The following ZFPM1 variants were observed in gnomAD, a reference collection of about 807,000 sequenced individuals.
ZFPM1 encodes zinc finger protein, FOG family member 1.
In ZFPM1, 28 loss-of-function variants were observed where a neutral mutation model predicts 46.3. That is an observed-to-expected ratio of 0.60 (90% CI 0.45 to 0.83). The LOEUF (loss-of-function observed/expected upper bound fraction) is 0.83. ZFPM1 is among the 40% of genes least tolerant of loss of function. The probability of loss-of-function intolerance (pLI) is 0.00; values close to 1 mark genes in which losing one functional copy is unlikely to be tolerated. For missense variants in ZFPM1, 1,878 were observed against 1,432.4 expected (o/e 1.31, Z -5.02); for synonymous variants, 957 against 675.9 (o/e 1.42, Z -6.45).
chr16:88,526,450 A>AACACAGAT (rs11280585), intron 4 of ZFPM1, among the ~76,000 whole-genome samples: 59,833 of 151,318 alleles, frequency 0.4, 12,520 homozygotes, highest in East Asian at 0.67. Context: ...CAGTGGGGAG[A>AACACAGAT]ACACAGATAC....
At chr16:88,475,773 G>C (rs1908654948) in intron 1 of ZFPM1, among the ~76,000 whole-genome samples, 2 of 152,298 alleles carry the variant, frequency 1.3e-5, no homozygotes, top group East Asian at 1.9e-4. Flanking sequence ...GCTTAGGGAG[G>C]GGCTGGGCTC....
At chr16:88,456,450 G>A (rs1373211252) in intron 1 of ZFPM1, among the ~76,000 whole-genome samples, 1 of 152,200 alleles carries the variant, frequency 6.6e-6, no homozygotes, top group Non-Finnish European at 1.5e-5. Flanking sequence ...GGGGAGGCCA[G>A]TGTACCCTGG....
intron 1 of ZFPM1, among the ~76,000 whole-genome samples, chr16:88,484,600 G>A (rs535867750): frequency 2.6e-5 from 4 of 152,324 alleles, no homozygotes; most frequent in African/African-American, 7.2e-5. Context: ...CCCCCATCGT[G>A]CTTCACACAG....
chr16:88,518,184 G>A (rs753832460), intron 4 of ZFPM1, among the ~76,000 whole-genome samples: 4 of 151,290 alleles, frequency 2.6e-5, no homozygotes, highest in South Asian at 2.1e-4. Context: ...CAGCCTAGGC[G>A]ACAGAGCGAG....
At chr16:88,522,082 G>A (rs961640189) in intron 4 of ZFPM1, 1 of 152,444 alleles carries the variant, frequency 6.6e-6, no homozygotes, top group African/African-American at 2.4e-5. Context: ...TGTTCACTGT[G>A]TTCCCCACAC....
At position 88,466,794 on chromosome 16, in the gene ZFPM1, C is replaced by G. The variant is rs1908153881; in HGVS notation, c.40+13116C>G. Among the ~76,000 whole-genome samples the G allele has an allele frequency of 3.3e-5, 5 of 152,234 alleles. 1 individual carries two copies. The South Asian group carries it at 8.3e-4, about 25-fold the overall frequency. On this transcript the variant is annotated intron_variant, in intron 1 of 9. Transcript: ENST00000319555. Reference sequence around the variant, plus strand: ...TGGGGGAGGGGGGTAAATGTCAGCTCCAGTGACCAGCGTTTAAATCCTGCC... The same window carrying G: ...TGGGGGAGGGGGGTAAATGTCAGCTGCAGTGACCAGCGTTTAAATCCTGCC...
chr16:88,476,296 A>G (rs1469136482), intron 1 of ZFPM1, among the ~76,000 whole-genome samples: 2 of 152,086 alleles, frequency 1.3e-5, no homozygotes, highest in Admixed American at 1.3e-4. Context: ...CAAGCCAGCC[A>G]CACCCCACCA....
chr16:88,513,889 C>T (rs1410800656), intron 3 of ZFPM1, among the ~76,000 whole-genome samples: 1 of 152,230 alleles, frequency 6.6e-6, no homozygotes, highest in Non-Finnish European at 1.5e-5. Flanking sequence ...TTCTGTGTCT[C>T]TTAGAAAGAT....
At position 88,534,064 on chromosome 16, in the gene ZFPM1, G is replaced by A. The variant is rs1325116893; in HGVS notation, c.2106G>A (p.Lys702=). 1 of 1,303,552 alleles carries A rather than the reference G, an allele frequency of 7.7e-7. No homozygotes were observed. The allele number at this position is 1,303,552 out of a possible 1,614,324, so 80.7% of individuals were successfully genotyped here. A position where few individuals can be genotyped will look rare whatever the true frequency, so the allele number is the denominator to read the frequency against. ...FSRHETYTVH[K]RYYCASRHDP... The stretch of plus-strand genomic sequence containing the variant: ...GCCACGAGACCTACACCGTGCACAA[G>A]CGGTACTACTGCGCCTCGCGCCACG... The change falls in exon 10 of 10, where the codon AAG becomes AAA. Residue 702 remains lysine, a synonymous_variant. Coordinates refer to ENST00000319555, the MANE Select transcript of ZFPM1 (RefSeq NM_153813.3).
chr16:88,474,231 C>T (rs1315585176), intron 1 of ZFPM1, among the ~76,000 whole-genome samples: 2 of 152,340 alleles, frequency 1.3e-5, no homozygotes, highest in East Asian at 3.9e-4. Context: ...CCCGCCCGGG[C>T]CACTGCCCCT....
At position 88,453,559 on chromosome 16, in the gene ZFPM1, G is replaced by GCCCCGCCGCGC. The variant is rs1156886235; in HGVS notation, c.-70_-60dup. 4 of 771,894 alleles carry GCCCCGCCGCGC rather than the reference G, an allele frequency of 5.2e-6. No individual in the cohort carries two copies. The highest frequency in any genetic ancestry group is 6.3e-6 in the Non-Finnish European group (4 of 638,264). 47.8% of individuals were successfully genotyped at this position (771,894 alleles called of 1,614,324 possible). On this transcript the variant is annotated 5_prime_UTR_variant, in exon 1 of 10. The change abolishes the stop of an existing upstream ORF in the 5' untranslated region. Transcript: ENST00000319555. ...GGCCGGGGGCATGAGCGGCCCCGCG[G>GCCCCGCCGCGC]CCCCGCCGCGCCCCCGCCGCCCGCC...
intron 3 of ZFPM1, among the ~76,000 whole-genome samples, chr16:88,503,380 T>TG (rs1001369600): frequency 1.2e-4 from 12 of 97,496 alleles, no homozygotes; most frequent in African/African-American, 5.2e-4. Flanking sequence ...GATCTGTGTC[T>TG]GGGGGGCCAC....
intron 3 of ZFPM1, among the ~76,000 whole-genome samples, chr16:88,503,118 C>A (rs1355492055): frequency 6.6e-6 from 1 of 152,246 alleles, no homozygotes; most frequent in African/African-American, 2.4e-5. Flanking sequence ...TAGCACAGTG[C>A]TTGATTCAGG....
At chr16:88,532,549 C>G (rs1016593740) in intron 7 of ZFPM1, 65 bp from the exon 8 acceptor site, 1 of 1,504,852 alleles carries the variant, frequency 6.6e-7, no homozygotes, top group East Asian at 2.5e-5. Flanking sequence ...CAGTCGCCTT[C>G]CTCATCCCTG....
At chr16:88,451,923 G>A (rs1907298330), upstream of ZFPM1, among the ~76,000 whole-genome samples, 1 of 152,192 alleles carries the variant, frequency 6.6e-6, no homozygotes, top group South Asian at 2.1e-4. Flanking sequence ...CCACTCTCCT[G>A]TACCAGGCTC....
At chr16:88,508,100 A>T (rs1423932839) in intron 3 of ZFPM1, among the ~76,000 whole-genome samples, 3 of 152,122 alleles carry the variant, frequency 2.0e-5, no homozygotes, top group Non-Finnish European at 4.4e-5. Context: ...AGTTCAAGAC[A>T]CGCCTGGCCA....
intron 1 of ZFPM1, among the ~76,000 whole-genome samples, chr16:88,461,878 G>A (rs569116288): frequency 2.6e-5 from 4 of 152,312 alleles, no homozygotes; most frequent in African/African-American, 9.6e-5. Context: ...GGAGAGAAAC[G>A]GAGGCCCTGG....
At chr16:88,500,821 G>A (rs116727028) in intron 3 of ZFPM1, among the ~76,000 whole-genome samples, 378 of 152,362 alleles carry the variant, frequency 2.5e-3, no homozygotes, top group Middle Eastern at 0.01. Flanking sequence ...GCAAGTCTGC[G>A]TGGTCAGCTC....
rs1597226550 is a variant in ZFPM1 at position 88,461,003 on chromosome 16, AGGACCGAGGGG to A, written c.40+7326_40+7336del. On this transcript the variant is annotated intron_variant, in intron 1 of 9. Transcript: ENST00000319555. ...GAGGGGAGGGGCGGGAGGCCTGGTGAGGACCGAGGGGTGGGGCGGGAGGCCTGGTGAGGACC... is the reference window on the plus strand; with the variant it reads ...GAGGGGAGGGGCGGGAGGCCTGGTGATGGGGCGGGAGGCCTGGTGAGGACC... Among the ~76,000 whole-genome samples the A allele has an allele frequency of 1.6e-4, 8 of 48,492 alleles. 1 individual carries two copies. The East Asian group carries it at 2.6e-3, about 16-fold the overall frequency. The allele number at this position is 48,492 out of a possible 152,430, so 31.8% of individuals were successfully genotyped here. A position where few individuals can be genotyped will look rare whatever the true frequency, so the allele number is the denominator to read the frequency against.
Sources: allele counts gnomAD v4.1 joint callset (sites outside exome capture counted in the v4.1 genomes callset), GRCh38; gene constraint gnomAD v4.1.1; transcripts MANE v1.5; gene names NCBI Gene and HGNC (gene_info 2026-07-23, HGNC 2026-07-21).